BCAT2: variants seen among roughly 807,000 people sequenced by gnomAD.
The protein encoded by BCAT2 is branched chain amino acid transaminase 2.
A neutral mutation model predicts 52.9 loss-of-function variants in BCAT2; 44 were observed. That is an observed-to-expected ratio of 0.83 (90% CI 0.65 to 1.07). The LOEUF (loss-of-function observed/expected upper bound fraction) is 1.07, where lower values mean the gene tolerates loss of function less well. Among genes scored for constraint, BCAT2 ranks in the 50% least tolerant of loss-of-function variants. The pLI is 0.00. For missense variants in BCAT2, 478 were observed against 521.8 expected, an observed-to-expected ratio of 0.92 and a Z score of 0.82; for synonymous variants, 215 against 217.1, an observed-to-expected ratio of 0.99 and a Z score of 0.08.
intron 6 of BCAT2, chr19:48,798,688 G>A (rs920063041): frequency 4.6e-5 from 7 of 151,394 alleles, no homozygotes; most frequent in South Asian, 2.1e-4. Context: ...GCAGTGGCGC[G>A]ATCTCGGCTC....
intron 1 of BCAT2, among the ~76,000 whole-genome samples, chr19:48,810,269 T>C (rs2034890100): frequency 6.6e-6 from 1 of 152,226 alleles, no homozygotes; most frequent in Admixed American, 6.5e-5. Flanking sequence ...ACACCGCAGC[T>C]GTGAAGGCTT....
At chr19:48,809,367 T>G (rs2034870293) in intron 1 of BCAT2, among the ~76,000 whole-genome samples, 1 of 151,634 alleles carries the variant, frequency 6.6e-6, no homozygotes, top group African/African-American at 2.4e-5. Flanking sequence ...AGCCCAGGAG[T>G]ATCACCATCA....
intron 3 of BCAT2, among the ~76,000 whole-genome samples, chr19:48,802,313 G>A (rs754690286): frequency 2.0e-5 from 3 of 152,024 alleles, no homozygotes; most frequent in Non-Finnish European, 4.4e-5. Flanking sequence ...CCCTGTAGAT[G>A]TAGATGTGGC....
chr19:48,810,851 C>T, intron 1 of BCAT2, 133 bp downstream of exon 1: 1 of 1,519,854 alleles, frequency 6.6e-7, no homozygotes, highest in South Asian at 1.2e-5. Flanking sequence ...CGCCATCCTC[C>T]TCCGCGCCCT....
At chr19:48,801,168 A>G (rs2122670470) in intron 3 of BCAT2, among the ~76,000 whole-genome samples, 1 of 151,054 alleles carries the variant, frequency 6.6e-6, no homozygotes, top group African/African-American at 2.4e-5. Flanking sequence ...TTGTATTTTT[A>G]GTTGATCCAC....
chr19:48,803,482 C>G (rs2034699610), intron 3 of BCAT2, among the ~76,000 whole-genome samples: 1 of 152,052 alleles, frequency 6.6e-6, no homozygotes, highest in Non-Finnish European at 1.5e-5. Flanking sequence ...GAGCCAAGAT[C>G]GTGCCACTGC....
In BCAT2 at chr19:48,799,890, CG is replaced by C; in HGVS notation, c.532-53del. The C allele has an allele frequency of 1.9e-6, 3 of 1,586,586 alleles. No individual in the cohort carries two copies. The highest frequency in any genetic ancestry group is 2.6e-6 in the Non-Finnish European group (3 of 1,167,418). On this transcript the variant is annotated intron_variant, in intron 5 of 10. Coordinates refer to ENST00000316273, the MANE Select transcript of BCAT2 (RefSeq NM_001190.4). The surrounding 1 kb of genome is among the most constrained non-coding windows in gnomAD (Gnocchi z 5.5). ...GGAGTCCAGGCCCCCAGTCCCTTCC[CG>C]TCCCCAGGCCCAGGCCTCCAGGACC...
rs1009431690 is a variant in BCAT2 at position 48,807,183 on chromosome 19, T to G, written c.25-109A>C. The G allele has an allele frequency of 1.2e-5, 11 of 937,124 alleles. No homozygotes were observed. The highest frequency in any genetic ancestry group is 1.2e-4 in the African/African-American group (7 of 59,948). The allele number at this position is 937,124 out of a possible 1,614,324, so 58.1% of individuals were successfully genotyped here. ...AGGTCCCACTGGCCTGCCTGTTCTG[T>G]CCCAGTTTCAGTCCATTCTAGACGG... On this transcript the variant is annotated intron_variant, in intron 1 of 10. Transcript: ENST00000316273. The surrounding 1 kb of genome is among the most constrained non-coding windows in gnomAD (Gnocchi z 4.6).
In BCAT2 at chr19:48,795,435, G is replaced by T. The variant is rs764611365; in HGVS notation, c.1170C>A (p.Phe390Leu). The T allele has an allele frequency of 6.2e-7, 1 of 1,614,026 alleles. No individual in the cohort carries two copies. The highest frequency in any genetic ancestry group is 2.2e-5 in the East Asian group (1 of 44,884). Residue 390 changes from phenylalanine to leucine, a missense_variant, in exon 11 of 11, where the codon TTC becomes TTA. Coordinates refer to ENST00000316273, the MANE Select transcript of BCAT2 (RefSeq NM_001190.4). ...QYGIRAHEWM[F>L]PV ...AGCACAGCCTGCAGCTTCACACCGG[G>T]AACATCCACTCGTGGGCTCTGATTC...
In BCAT2 at chr19:48,795,302, G is replaced by A; in HGVS notation, c.*124C>T. The A allele has an allele frequency of 7.6e-7, 1 of 1,320,218 alleles. No individual in the cohort carries two copies. 81.8% of individuals were successfully genotyped at this position (1,320,218 alleles called of 1,614,324 possible). A position where few individuals can be genotyped will look rare whatever the true frequency, so the allele number is the denominator to read the frequency against. On this transcript the variant is annotated 3_prime_UTR_variant, in exon 11 of 11. Transcript: ENST00000316273. ...GTCGCAACCACATGGGGGCGCCAGAGACCCAGACGCCGCCCGCTGGCCTTT... is the reference window on the plus strand; with the variant it reads ...GTCGCAACCACATGGGGGCGCCAGAAACCCAGACGCCGCCCGCTGGCCTTT...
chr19:48,808,782 A>G (rs2034852873), intron 1 of BCAT2, among the ~76,000 whole-genome samples: 1 of 151,574 alleles, frequency 6.6e-6, no homozygotes, highest in Non-Finnish European at 1.5e-5. Flanking sequence ...AAACAAAGAA[A>G]GAAAGTAGGC....
chr19:48,796,745 G>A lies in BCAT2; in HGVS notation c.925-27C>T, dbSNP rs1330617681. 8 of 1,602,222 alleles carry A rather than the reference G, an allele frequency of 5.0e-6. No homozygotes were observed. The Admixed American group carries it at 5.0e-5, about 10-fold the overall frequency. On this transcript the variant is annotated intron_variant, in intron 8 of 10. Coordinates refer to ENST00000316273, the MANE Select transcript of BCAT2 (RefSeq NM_001190.4). Reference sequence around the variant, plus strand: ...TGCAGGGCAGTTGGCAGAGACACGTGTCCCCAGAGGGTTGCCCTGCTGCAG... The same window carrying A: ...TGCAGGGCAGTTGGCAGAGACACGTATCCCCAGAGGGTTGCCCTGCTGCAG...
Position 48,799,695 on chromosome 19 carries a change from G to A in BCAT2, c.675C>T (p.Val225=), listed in dbSNP as rs772311876. Residue 225 remains valine, a synonymous_variant, in exon 6 of 11, where the codon GTC becomes GTT. Transcript: ENST00000316273. The surrounding 1 kb of genome is among the most constrained non-coding windows in gnomAD (Gnocchi z 5.5). ...CTTACCCACCTAACTTGTAGTTGCC[G>A]ACCCCGCCCACCCAGGCCCGGATGA... ...PAFIRAWVGG[V]GNYKLGGNYG... 5 of 1,586,244 alleles carry A rather than the reference G, an allele frequency of 3.2e-6. No individual in the cohort carries two copies. The highest frequency in any genetic ancestry group is 2.3e-5 in the South Asian group (2 of 87,100).
intron 3 of BCAT2, among the ~76,000 whole-genome samples, 186 bp from the exon 4 acceptor site, chr19:48,800,483 G>A (rs56333767): frequency 0.19 from 28,364 of 151,954 alleles, 2,824 homozygotes; most frequent in Non-Finnish European, 0.21. Flanking sequence ...ATATAGACAG[G>A]GAGACAAACA....
At chr19:48,808,548 G>C (rs2034845424) in intron 1 of BCAT2, among the ~76,000 whole-genome samples, 1 of 152,202 alleles carries the variant, frequency 6.6e-6, no homozygotes, top group African/African-American at 2.4e-5. Context: ...CTTGAGGCCA[G>C]GTGTTCAAGA....
chr19:48,809,193 G>A (rs947135386), intron 1 of BCAT2, among the ~76,000 whole-genome samples: 2 of 150,676 alleles, frequency 1.3e-5, no homozygotes, highest in Non-Finnish European at 3.0e-5. Context: ...TTGAACCCAT[G>A]AGGCGGAGGT....
chr19:48,798,738 C>G (rs553657546), intron 6 of BCAT2: 1 of 152,242 alleles, frequency 6.6e-6, no homozygotes, highest in East Asian at 1.9e-4. Flanking sequence ...CATTGTCCTG[C>G]CTCAGCCTCC....
intron 3 of BCAT2, among the ~76,000 whole-genome samples, chr19:48,802,259 A>G (rs1296618040): frequency 1.3e-5 from 2 of 152,062 alleles, no homozygotes; most frequent in African/African-American, 4.8e-5. Context: ...GGGTTGTCCA[A>G]GGTATGGAAA....
intron 3 of BCAT2, among the ~76,000 whole-genome samples, chr19:48,804,186 T>C (rs376430164): frequency 4.7e-5 from 6 of 128,034 alleles, no homozygotes; most frequent in Admixed American, 1.5e-4. Context: ...AACAAACAAA[T>C]AAAATGGTTG....
Sources: gnomAD v4.1 joint callset for allele counts (sites outside exome capture counted in the v4.1 genomes callset) on GRCh38, gnomAD v4.1.1 for gene constraint, Gnocchi (gnomAD v3.1) non-coding constraint, MANE v1.5 for transcripts, NCBI Gene and HGNC (gene_info 2026-07-23, HGNC 2026-07-21) for gene names.